MRPL39: variants seen among roughly 807,000 people sequenced by gnomAD.
MRPL39 encodes mitochondrial ribosomal protein L39, also known as large ribosomal subunit protein mL39.
In MRPL39, 35 loss-of-function variants were observed where a neutral mutation model predicts 44.5. That is an observed-to-expected ratio of 0.79 (90% CI 0.60 to 1.04). The LOEUF is 1.04. Among genes scored for constraint, MRPL39 ranks in the 50% least tolerant of loss-of-function variants. The pLI, the probability that MRPL39 is intolerant of heterozygous loss-of-function variation, is 0.00. For synonymous variants in MRPL39, 139 were observed against 136.1 expected, an observed-to-expected ratio of 1.02 and a Z score of -0.15; for missense variants, 433 against 413.5, an observed-to-expected ratio of 1.05 and a Z score of -0.41.
intron 8 of MRPL39, among the ~76,000 whole-genome samples, chr21:25,590,492 T>TG (rs1258176687): frequency 6.6e-6 from 1 of 152,116 alleles, no homozygotes; most frequent in East Asian, 1.9e-4. Flanking sequence ...GGCTGTGAGT[T>TG]GGACAAGCTT....
At chr21:25,598,153 T>A (rs1444385706) in intron 5 of MRPL39, among the ~76,000 whole-genome samples, 1 of 152,082 alleles carries the variant, frequency 6.6e-6, no homozygotes, top group African/African-American at 2.4e-5. Flanking sequence ...AAAGAATAAT[T>A]TACTGTATAA....
intron 2 of MRPL39, among the ~76,000 whole-genome samples, chr21:25,605,351 C>G (rs1177777917): frequency 6.6e-6 from 1 of 152,190 alleles, no homozygotes; most frequent in African/African-American, 2.4e-5. Flanking sequence ...ACAGTTGTCT[C>G]CTTTAAGATA....
chr21:25,588,319 A>T (rs2031068402), intron 9 of MRPL39, among the ~76,000 whole-genome samples: 2 of 152,148 alleles, frequency 1.3e-5, no homozygotes, highest in South Asian at 4.1e-4. Flanking sequence ...CTCAAAAAAA[A>T]AAAGAAAAGA....
chr21:25,599,928 T>A, intron 4 of MRPL39, 62 bp from the exon 5 acceptor site: 3 of 1,226,124 alleles, frequency 2.4e-6, no homozygotes, highest in Non-Finnish European at 3.6e-6. Flanking sequence ...GTTACTAATT[T>A]GCAACAACTG....
chr21:25,602,025 G>C (rs2031539637), intron 3 of MRPL39, among the ~76,000 whole-genome samples: 1 of 152,132 alleles, frequency 6.6e-6, no homozygotes, highest in South Asian at 2.1e-4. Flanking sequence ...GCAATGACCT[G>C]ATCAGTCACA....
At chr21:25,591,335 A>G (rs548701599) in intron 8 of MRPL39, among the ~76,000 whole-genome samples, 1 of 152,276 alleles carries the variant, frequency 6.6e-6, no homozygotes, top group Admixed American at 6.5e-5. Flanking sequence ...CTTCTCTGCA[A>G]AAGGCTGCTC....
intron 3 of MRPL39, among the ~76,000 whole-genome samples, chr21:25,602,413 T>C (rs985683628): frequency 1.3e-5 from 2 of 152,248 alleles, no homozygotes; most frequent in African/African-American, 4.8e-5. Context: ...AGAGTTTGTA[T>C]GAAGGTTAAA....
chr21:25,592,661 G>A lies in MRPL39; in HGVS notation c.921+151C>T, dbSNP rs1039207591. 3.8e-5 allele frequency: 22 copies of A among 571,498 alleles called. No homozygotes were observed. In the Admixed American group the frequency reaches 7.9e-4, roughly 20 times the overall value. 35.4% of individuals were successfully genotyped at this position (571,498 alleles called of 1,614,324 possible). A position where few individuals can be genotyped will look rare whatever the true frequency, so the allele number is the denominator to read the frequency against. On this transcript the variant is annotated intron_variant, in intron 8 of 9. Transcript: ENST00000352957. ...GTATATTTACACCCTGGGCAACTTTGTTTTTAATCATAAACCTGAGTTTAT... is the reference window on the plus strand; with the variant it reads ...GTATATTTACACCCTGGGCAACTTTATTTTTAATCATAAACCTGAGTTTAT...
At chr21:25,588,028 C>T (rs891006229) in intron 9 of MRPL39, among the ~76,000 whole-genome samples, 14 of 152,064 alleles carry the variant, frequency 9.2e-5, no homozygotes, top group East Asian at 3.9e-4. Context: ...TACAATCACC[C>T]GGGCCGGGCG....
intron 8 of MRPL39, among the ~76,000 whole-genome samples, chr21:25,591,411 A>G (rs758905980): frequency 5.3e-5 from 8 of 152,166 alleles, no homozygotes; most frequent in Non-Finnish European, 8.8e-5. Context: ...AGAAATCTGA[A>G]AACTACATAT....
intron 5 of MRPL39, among the ~76,000 whole-genome samples, chr21:25,598,730 T>G (rs2123244731): frequency 6.6e-6 from 1 of 151,956 alleles, no homozygotes; most frequent in South Asian, 2.1e-4. Context: ...TTATGTAATA[T>G]GCGCAGGATT....
intron 2 of MRPL39, 31 bp from the exon 3 acceptor site, chr21:25,603,966 CA>C (rs757943575): frequency 6.3e-7 from 1 of 1,584,970 alleles, no homozygotes; most frequent in South Asian, 1.2e-5. Flanking sequence ...GATTATCTAA[CA>C]AAATCCAGAG....
At chr21:25,590,583 T>C (rs2031143531) in intron 8 of MRPL39, among the ~76,000 whole-genome samples, 1 of 152,068 alleles carries the variant, frequency 6.6e-6, no homozygotes, top group African/African-American at 2.4e-5. Context: ...CAAAGTCAAA[T>C]GTATAGGAGA....
intron 1 of MRPL39, among the ~76,000 whole-genome samples, chr21:25,606,899 A>C (rs1022268571): frequency 1.3e-5 from 2 of 152,248 alleles, no homozygotes; most frequent in African/African-American, 4.8e-5. Context: ...AAAAGTAACC[A>C]GGAAACGGAG....
Position 25,606,366 on chromosome 21 carries a change from T to C in MRPL39, c.280+83A>G, listed in dbSNP as rs908954416. On this transcript the variant is annotated intron_variant, in intron 2 of 9. Transcript: ENST00000352957. ...CATGGCCACAGATGACCAGAAGTAA[T>C]TACAGCATCCTGTCTCCTGCACCAG... 5.6e-6 allele frequency: 7 copies of C among 1,254,082 alleles called. No homozygotes were observed. In the African/African-American group the frequency reaches 1.1e-4, roughly 19 times the overall value. 77.7% of individuals were successfully genotyped at this position (1,254,082 alleles called of 1,614,324 possible).
intron 8 of MRPL39, among the ~76,000 whole-genome samples, chr21:25,589,835 CG>C (rs2031115731): frequency 6.6e-6 from 1 of 152,004 alleles, no homozygotes; most frequent in Admixed American, 6.5e-5. Flanking sequence ...CTGACTCAGG[CG>C]GAATGAACTG....
chr21:25,597,809 T>A (rs747121763), intron 5 of MRPL39, among the ~76,000 whole-genome samples: 2 of 152,122 alleles, frequency 1.3e-5, no homozygotes, highest in Non-Finnish European at 2.9e-5. Context: ...AAATCTAAGT[T>A]TATTAAATAT....
chr21:25,587,656 C>T (rs1312515291), intron 9 of MRPL39: 4 of 1,370,762 alleles, frequency 2.9e-6, no homozygotes, highest in Non-Finnish European at 3.1e-6. Flanking sequence ...TGGACATATA[C>T]AATCAAGCAC....
At chr21:25,594,895 T>C (rs536605769) in intron 6 of MRPL39, among the ~76,000 whole-genome samples, 1 of 152,298 alleles carries the variant, frequency 6.6e-6, no homozygotes, top group South Asian at 2.1e-4. Context: ...TTTCCTGTCT[T>C]AGTACGATAC....
Sources: gnomAD v4.1 joint callset for allele counts (sites outside exome capture counted in the v4.1 genomes callset) on GRCh38, gnomAD v4.1.1 for gene constraint, MANE v1.5 for transcripts, NCBI Gene and HGNC (gene_info 2026-07-23, HGNC 2026-07-21) for gene names.